Variants in GPC5 observed in about 807,000 individuals in gnomAD.
GPC5 encodes glypican 5.
A neutral mutation model predicts 53.9 loss-of-function variants in GPC5; 47 were observed. The ratio of observed to expected loss-of-function variants is 0.87; its 90% CI spans 0.69 to 1.11. GPC5 has a LOEUF of 1.11. Among genes scored for constraint, GPC5 ranks in the 50% most tolerant of loss-of-function variants. GPC5 has a pLI of 0.00. For synonymous variants in GPC5, 286 were observed against 263.3 expected (o/e 1.09, Z -0.84); for missense variants, 748 against 713.1 (o/e 1.05, Z -0.56).
chr13:92,591,460 G>A (rs1022095678), intron 7 of GPC5, among the ~76,000 whole-genome samples: 3 of 152,034 alleles, frequency 2.0e-5, no homozygotes, highest in Admixed American at 6.5e-5. Context: ...TACTTTTAAT[G>A]TATTTTTAAT....
At chr13:91,522,162 G>C (rs1461718504) in intron 2 of GPC5, among the ~76,000 whole-genome samples, 1 of 152,186 alleles carries the variant, frequency 6.6e-6, no homozygotes, top group Non-Finnish European at 1.5e-5. Context: ...ATTACTTAGA[G>C]ATGATGTAAA....
chr13:92,466,476 T>G (rs949081138), intron 7 of GPC5, among the ~76,000 whole-genome samples: 1 of 152,028 alleles, frequency 6.6e-6, no homozygotes, highest in African/African-American at 2.4e-5. Flanking sequence ...CTTTAGACCA[T>G]TACGGTGTAA....
chr13:92,685,497 T>C (rs1336204799), intron 7 of GPC5, among the ~76,000 whole-genome samples: 1 of 151,108 alleles, frequency 6.6e-6, no homozygotes, highest in African/African-American at 2.4e-5. Context: ...AGTCTGACCC[T>C]CTGCATTTTA....
At chr13:91,536,710 C>T (rs912446187) in intron 2 of GPC5, among the ~76,000 whole-genome samples, 10 of 152,174 alleles carry the variant, frequency 6.6e-5, no homozygotes, top group East Asian at 1.9e-4. Flanking sequence ...ACATCAGTCA[C>T]GCTGGACTAG....
intron 7 of GPC5, among the ~76,000 whole-genome samples, chr13:92,691,673 TATTAAATTATC>T (rs1376107091): frequency 6.6e-6 from 1 of 152,180 alleles, no homozygotes; most frequent in East Asian, 1.9e-4. Context: ...TGTAATTTAA[TATTAAATTATC>T]ACATTCATTA....
chr13:92,410,216 T>A (rs34486589), intron 7 of GPC5, among the ~76,000 whole-genome samples: 3,635 of 152,230 alleles, frequency 0.024, 76 homozygotes, highest in Non-Finnish European at 0.034. Context: ...GACCTGAATA[T>A]ACTAATTTTC....
intron 7 of GPC5, among the ~76,000 whole-genome samples, chr13:92,757,826 G>A (rs1340492950): frequency 2.0e-5 from 3 of 152,024 alleles, no homozygotes; most frequent in Admixed American, 2.0e-4. Context: ...ATAAAGTCAG[G>A]AAACAACAGG....
intron 7 of GPC5, among the ~76,000 whole-genome samples, chr13:92,538,083 G>T (rs1329912383): frequency 6.6e-6 from 1 of 152,096 alleles, no homozygotes; most frequent in South Asian, 2.1e-4. Context: ...TACAACTAAA[G>T]TGTTTTGACT....
At chr13:92,503,114 A>G (rs1318130127) in intron 7 of GPC5, among the ~76,000 whole-genome samples, 1 of 151,946 alleles carries the variant, frequency 6.6e-6, no homozygotes, top group Non-Finnish European at 1.5e-5. Flanking sequence ...AGTGCAGAAA[A>G]CAAGGAACAA....
chr13:92,057,580 A>ATT (rs11448816), intron 6 of GPC5, among the ~76,000 whole-genome samples: 2 of 151,776 alleles, frequency 1.3e-5, no homozygotes, highest in African/African-American at 2.4e-5. Flanking sequence ...GTAGGTTTCA[A>ATT]TTTTTTTTAA....
At chr13:91,462,586 A>G (rs1414388013) in intron 2 of GPC5, among the ~76,000 whole-genome samples, 3 of 152,140 alleles carry the variant, frequency 2.0e-5, no homozygotes, top group African/African-American at 4.8e-5. Flanking sequence ...ATCGTTGCGT[A>G]TCTGTAAGAC....
At chr13:92,701,811 A>C (rs1887752649) in intron 7 of GPC5, among the ~76,000 whole-genome samples, 1 of 152,132 alleles carries the variant, frequency 6.6e-6, no homozygotes. Context: ...GTGATAAATG[A>C]CTTGGCATAC....
In GPC5 at chr13:92,093,335, A is replaced by AT. The variant is rs548500669; in HGVS notation, c.1402-51490dup. Among the ~76,000 whole-genome samples the AT allele has an allele frequency of 8.0e-4, 121 of 152,136 alleles. 1 individual carries two copies. Among genetic ancestry groups the AT allele is most frequent in the African/African-American group, 2.9e-3 (119 of 41,530 alleles). Reference sequence around the variant, plus strand: ...CCAATTGAGAAGTATTTTTAAGTATATTTTTCTTTCCAAGACAAATATACA... The same window carrying AT: ...CCAATTGAGAAGTATTTTTAAGTATATTTTTTCTTTCCAAGACAAATATACA... On this transcript the variant is annotated intron_variant, in intron 6 of 7. Coordinates refer to ENST00000377067, the MANE Select transcript of GPC5 (RefSeq NM_004466.6).
chr13:91,737,443 A>G (rs1257714596), intron 4 of GPC5, among the ~76,000 whole-genome samples: 5 of 150,192 alleles, frequency 3.3e-5, no homozygotes, highest in Non-Finnish European at 5.9e-5. Flanking sequence ...AACCAAAACC[A>G]TTAAAGGAAA....
intron 7 of GPC5, among the ~76,000 whole-genome samples, chr13:92,522,574 C>T (rs985390884): frequency 6.6e-6 from 1 of 151,854 alleles, no homozygotes; most frequent in Non-Finnish European, 1.5e-5. Flanking sequence ...ACCATGAGAA[C>T]ACTTGGACAC....
At chr13:91,498,900 G>A (rs1437769875) in intron 2 of GPC5, among the ~76,000 whole-genome samples, 2 of 152,060 alleles carry the variant, frequency 1.3e-5, no homozygotes, top group African/African-American at 4.8e-5. Context: ...TAACCTGGGA[G>A]GCAGAGGTTG....
chr13:91,480,793 T>G (rs1230920674), intron 2 of GPC5, among the ~76,000 whole-genome samples: 8 of 152,194 alleles, frequency 5.3e-5, no homozygotes, highest in African/African-American at 1.7e-4. Context: ...TTTTGAGTTC[T>G]GAGAGTATTC....
intron 7 of GPC5, among the ~76,000 whole-genome samples, chr13:92,790,783 A>G (rs1336826059): frequency 6.6e-6 from 1 of 152,136 alleles, no homozygotes; most frequent in African/African-American, 2.4e-5. Context: ...TAATGACTCT[A>G]AATGACCTTG....
intron 7 of GPC5, among the ~76,000 whole-genome samples, chr13:92,722,371 TC>T (rs1888529913): frequency 6.6e-6 from 1 of 151,948 alleles, no homozygotes; most frequent in Non-Finnish European, 1.5e-5. Flanking sequence ...TTAAGGAGTT[TC>T]TAACCTTTCT....
Sources: gnomAD v4.1 joint callset for allele counts (sites outside exome capture counted in the v4.1 genomes callset) on GRCh38, gnomAD v4.1.1 for gene constraint, MANE v1.5 for transcripts, NCBI Gene and HGNC (gene_info 2026-07-23, HGNC 2026-07-21) for gene names.